The following CAMTA1 variants were observed in gnomAD, a reference collection of about 807,000 sequenced individuals.
CAMTA1 encodes calmodulin binding transcription activator 1, also known as calmodulin-binding transcription activator 1.
In CAMTA1, 27 loss-of-function variants were observed where a neutral mutation model predicts 170.9. The ratio of observed to expected loss-of-function variants is 0.16; its 90% CI spans 0.12 to 0.22. The LOEUF is 0.22. Among genes scored for constraint, CAMTA1 ranks in the 10% least tolerant of loss-of-function variants. The pLI is 1.00. For missense variants in CAMTA1, 1,619 were observed against 2,217.2 expected (o/e 0.73, Z 5.42); for synonymous variants, 833 against 891.5 (o/e 0.93, Z 1.17).
At chr1:7,082,818 C>T (rs1297992987) in intron 3 of CAMTA1, among the ~76,000 whole-genome samples, 1 of 152,212 alleles carries the variant, frequency 6.6e-6, no homozygotes, top group Non-Finnish European at 1.5e-5. Context: ...ACCCTTCCTT[C>T]TCTTCTCAGT....
chr1:7,230,447 C>G (rs1159434599), intron 4 of CAMTA1, among the ~76,000 whole-genome samples: 4 of 114,688 alleles, frequency 3.5e-5, no homozygotes, highest in East Asian at 5.5e-4. Context: ...CCCCCCCCGC[C>G]CCGCAAAGCT....
At chr1:7,517,171 T>G (rs1575752915) in intron 6 of CAMTA1, among the ~76,000 whole-genome samples, 1 of 152,182 alleles carries the variant, frequency 6.6e-6, no homozygotes, top group Non-Finnish European at 1.5e-5. Context: ...CTCCAAATAC[T>G]CCATCACTTA....
chr1:7,611,857 G>T (rs1266341757), intron 6 of CAMTA1, among the ~76,000 whole-genome samples: 1 of 152,334 alleles, frequency 6.6e-6, no homozygotes, highest in East Asian at 1.9e-4. Flanking sequence ...CTTGACCTGA[G>T]AGGTGCTGAC....
At chr1:7,109,747 CTGAG>C (rs914173130) in intron 4 of CAMTA1, among the ~76,000 whole-genome samples, 17 of 152,206 alleles carry the variant, frequency 1.1e-4, no homozygotes, top group Admixed American at 3.3e-4. Flanking sequence ...TCCCATTGGC[CTGAG>C]TGAGAAAGCT....
chr1:7,017,661 C>A (rs1193525705), intron 3 of CAMTA1, among the ~76,000 whole-genome samples: 1 of 152,216 alleles, frequency 6.6e-6, no homozygotes, highest in Non-Finnish European at 1.5e-5. Flanking sequence ...CATCAGTCCT[C>A]TTTTTCTTCT....
At chr1:7,295,231 G>A (rs1673758127) in intron 5 of CAMTA1, among the ~76,000 whole-genome samples, 1 of 152,192 alleles carries the variant, frequency 6.6e-6, no homozygotes, top group African/African-American at 2.4e-5. Flanking sequence ...CATGGACAAT[G>A]CTGGGAACAG....
intron 5 of CAMTA1, among the ~76,000 whole-genome samples, chr1:7,460,353 G>A (rs902519904): frequency 2.6e-5 from 4 of 152,114 alleles, no homozygotes; most frequent in African/African-American, 7.2e-5. Context: ...CTGCCCCCTC[G>A]GTACTCTGCC....
At chr1:7,655,093 C>CACACCTAT (rs1558063837) in intron 7 of CAMTA1, among the ~76,000 whole-genome samples, 1 of 28,248 alleles carries the variant, frequency 3.5e-5, no homozygotes, top group African/African-American at 1.6e-4. Context: ...CCCACCTATA[C>CACACCTAT]ACACACACCT....
chr1:7,727,651 T>C (rs1184030726), intron 11 of CAMTA1, among the ~76,000 whole-genome samples: 1 of 152,278 alleles, frequency 6.6e-6, no homozygotes, highest in Non-Finnish European at 1.5e-5. Flanking sequence ...TAAGTAATTG[T>C]ATTCCCTATA....
At chr1:7,667,443 G>A (rs2096011258) in intron 9 of CAMTA1, among the ~76,000 whole-genome samples, 1 of 152,196 alleles carries the variant, frequency 6.6e-6, no homozygotes, top group Non-Finnish European at 1.5e-5. Flanking sequence ...GTAAATGGCT[G>A]AGAGGGGGTG....
intron 3 of CAMTA1, among the ~76,000 whole-genome samples, chr1:6,989,510 A>T (rs1695955993): frequency 6.6e-6 from 1 of 152,226 alleles, no homozygotes; most frequent in East Asian, 1.9e-4. Context: ...GCTGTTTTGC[A>T]TATTTCCAGT....
chr1:7,686,651 T>C (rs2096261056), intron 11 of CAMTA1, among the ~76,000 whole-genome samples: 1 of 152,086 alleles, frequency 6.6e-6, no homozygotes, highest in African/African-American at 2.4e-5. Flanking sequence ...GGTGTATGTT[T>C]GCAAGAACAC....
chr1:6,809,946 G>A (rs1172184510), intron 1 of CAMTA1, among the ~76,000 whole-genome samples: 1 of 152,190 alleles, frequency 6.6e-6, no homozygotes, highest in Non-Finnish European at 1.5e-5. Flanking sequence ...TTTCAGAACC[G>A]TGGTGGCATA....
At chr1:7,700,482 A>G (rs568995637) in intron 11 of CAMTA1, among the ~76,000 whole-genome samples, 1 of 152,344 alleles carries the variant, frequency 6.6e-6, no homozygotes, top group Admixed American at 6.5e-5. Context: ...ATCAGACAGG[A>G]GAGGTTAGAT....
At chr1:7,370,998 A>G (rs1478439877) in intron 5 of CAMTA1, among the ~76,000 whole-genome samples, 28 of 137,238 alleles carry the variant, frequency 2.0e-4, no homozygotes, top group South Asian at 9.1e-4. Context: ...TGCAAGCTCC[A>G]CCTCCCAGGT....
intron 5 of CAMTA1, among the ~76,000 whole-genome samples, chr1:7,260,998 A>G (rs1459358464): frequency 6.6e-6 from 1 of 152,216 alleles, no homozygotes; most frequent in Non-Finnish European, 1.5e-5. Flanking sequence ...TTAATGATTC[A>G]TGCATCTGTG....
chr1:6,943,401 C>T lies in CAMTA1; in HGVS notation c.234+118191C>T, dbSNP rs539040904. On this transcript the variant is annotated intron_variant, in intron 3 of 22. Coordinates refer to ENST00000303635, the MANE Select transcript of CAMTA1 (RefSeq NM_015215.4). Reference sequence around the variant, plus strand: ...GGAGGAGGCACCTGATTTCAGAGAGCGGGGAAGTGCAACCTGTCCTGCACC... The same window carrying T: ...GGAGGAGGCACCTGATTTCAGAGAGTGGGGAAGTGCAACCTGTCCTGCACC... Among the ~76,000 whole-genome samples the T allele has an allele frequency of 2.0e-5, 3 of 152,192 alleles. No individual in the cohort carries two copies. In the East Asian group the frequency reaches 5.8e-4, roughly 29 times the overall value.
intron 10 of CAMTA1, 28 bp downstream of exon 10, chr1:7,671,065 A>C (rs1558098503): frequency 1.2e-6 from 2 of 1,610,718 alleles, no homozygotes; most frequent in Non-Finnish European, 1.7e-6. Context: ...CAGGCCCCCA[A>C]GGTGAGTGTG....
At chr1:7,128,449 C>T (rs541875489) in intron 4 of CAMTA1, among the ~76,000 whole-genome samples, 2 of 152,276 alleles carry the variant, frequency 1.3e-5, no homozygotes, top group East Asian at 3.9e-4. Flanking sequence ...TGTTAGAAAG[C>T]ATCCTTGGCA....
Sources: allele counts gnomAD v4.1 joint callset (sites outside exome capture counted in the v4.1 genomes callset), GRCh38; gene constraint gnomAD v4.1.1; transcripts MANE v1.5; gene names NCBI Gene and HGNC (gene_info 2026-07-23, HGNC 2026-07-21).